The following RUNDC3B variants were observed in gnomAD, a reference collection of about 807,000 sequenced individuals.
RUNDC3B encodes the protein RUN domain-containing protein 3B.
A neutral mutation model predicts 58.4 loss-of-function variants in RUNDC3B; 33 were observed. That is an observed-to-expected ratio of 0.56 (90% confidence interval 0.43 to 0.75). The LOEUF (loss-of-function observed/expected upper bound fraction) is 0.75. Ranked by LOEUF, RUNDC3B falls within the 30% of genes least tolerant of loss-of-function variation. RUNDC3B has a pLI of 0.00. For synonymous variants in RUNDC3B, 193 were observed against 195.2 expected (o/e 0.99, Z 0.10); for missense variants, 501 against 535.7 (o/e 0.94, Z 0.64).
chr7:87,749,343 T>G (rs975192094), intron 6 of RUNDC3B, among the ~76,000 whole-genome samples: 1 of 152,162 alleles, frequency 6.6e-6, no homozygotes, highest in Non-Finnish European at 1.5e-5. Flanking sequence ...GCATAGCCAC[T>G]TTTTGTCTGA....
chr7:87,667,961 C>G (rs1249574867), intron 2 of RUNDC3B, among the ~76,000 whole-genome samples: 22 of 151,866 alleles, frequency 1.4e-4, no homozygotes, highest in Admixed American at 1.4e-3. Context: ...TTTGTTGTGT[C>G]TCTTCCAGGT....
At chr7:87,628,980 C>T (rs754002701) in intron 1 of RUNDC3B, 35 bp downstream of exon 1, 1 of 1,304,492 alleles carries the variant, frequency 7.7e-7, no homozygotes, top group East Asian at 2.8e-5. Context: ...ACCAGCCTCC[C>T]GCCGGGGCTG....
At chr7:87,661,660 T>C (rs1824730424) in intron 2 of RUNDC3B, among the ~76,000 whole-genome samples, 2 of 151,704 alleles carry the variant, frequency 1.3e-5, no homozygotes, top group Admixed American at 6.6e-5. Flanking sequence ...TCTTTATTCA[T>C]TTGTCTGTTT....
intron 6 of RUNDC3B, among the ~76,000 whole-genome samples, chr7:87,751,041 TC>T (rs1429727082): frequency 1.3e-5 from 2 of 152,228 alleles, no homozygotes; most frequent in Non-Finnish European, 2.9e-5. Flanking sequence ...TAATCCCTCT[TC>T]AATTGATTTT....
chr7:87,639,792 G>T (rs1409483321), intron 1 of RUNDC3B, among the ~76,000 whole-genome samples: 3 of 151,972 alleles, frequency 2.0e-5, no homozygotes, highest in Middle Eastern at 7.1e-3. Flanking sequence ...TATATTTAGA[G>T]TGTCCTTGTA....
intron 1 of RUNDC3B, among the ~76,000 whole-genome samples, chr7:87,646,770 C>T (rs1465138215): frequency 6.6e-6 from 1 of 152,130 alleles, no homozygotes; most frequent in Non-Finnish European, 1.5e-5. Context: ...TGTGTATTGT[C>T]ACTGAGATGG....
chr7:87,648,008 C>G (rs1323436048), intron 1 of RUNDC3B, among the ~76,000 whole-genome samples: 1 of 151,716 alleles, frequency 6.6e-6, no homozygotes, highest in Non-Finnish European at 1.5e-5. Context: ...CATGGTGAAA[C>G]CCCGCCTCTA....
intron 1 of RUNDC3B, among the ~76,000 whole-genome samples, chr7:87,645,167 C>T (rs888155337): frequency 6.0e-5 from 9 of 150,958 alleles, no homozygotes; most frequent in Non-Finnish European, 1.0e-4. Context: ...ACTGCAACCT[C>T]GACCTCCTGG....
intron 5 of RUNDC3B, among the ~76,000 whole-genome samples, chr7:87,740,791 A>T (rs1382063321): frequency 6.6e-6 from 1 of 152,222 alleles, no homozygotes; most frequent in East Asian, 1.9e-4. Flanking sequence ...TGAACATGAT[A>T]GATGGAATGT....
chr7:87,768,407 A>G (rs185380342), intron 6 of RUNDC3B, among the ~76,000 whole-genome samples: 1 of 152,268 alleles, frequency 6.6e-6, no homozygotes, highest in African/African-American at 2.4e-5. Context: ...AGACTCTGAG[A>G]AATGTTTGTG....
At chr7:87,697,543 C>G (rs192268078) in intron 2 of RUNDC3B, among the ~76,000 whole-genome samples, 3 of 152,322 alleles carry the variant, frequency 2.0e-5, no homozygotes, top group East Asian at 1.9e-4. Flanking sequence ...GAAGATTTCT[C>G]TAGATTCCAA....
chr7:87,670,504 CTTGT>C, intron 2 of RUNDC3B, among the ~76,000 whole-genome samples: 1 of 152,152 alleles, frequency 6.6e-6, no homozygotes, highest in South Asian at 2.1e-4. Context: ...ATTAAAAACT[CTTGT>C]TGGGGAATGG....
intron 6 of RUNDC3B, among the ~76,000 whole-genome samples, chr7:87,743,289 A>G (rs1015301723): frequency 2.0e-5 from 3 of 152,194 alleles, no homozygotes; most frequent in Non-Finnish European, 4.4e-5. Context: ...GTGTGCAAGT[A>G]TCTTTTTCAA....
At chr7:87,684,702 C>T (rs943691637) in intron 2 of RUNDC3B, among the ~76,000 whole-genome samples, 2 of 128,504 alleles carry the variant, frequency 1.6e-5, no homozygotes, top group Non-Finnish European at 3.1e-5. Flanking sequence ...GAGTCGAGAT[C>T]GTGCCACTGC....
At chr7:87,648,184 CAAA>C (rs138383809) in intron 1 of RUNDC3B, among the ~76,000 whole-genome samples, 7 of 65,462 alleles carry the variant, frequency 1.1e-4, no homozygotes, top group African/African-American at 2.2e-4. Flanking sequence ...GACTCTGTCT[CAAA>C]AAAAAAAAAA....
intron 1 of RUNDC3B, among the ~76,000 whole-genome samples, chr7:87,639,767 C>T (rs1822238404): frequency 6.6e-6 from 1 of 151,834 alleles, no homozygotes; most frequent in Admixed American, 6.6e-5. Context: ...TTTACTTTTG[C>T]TCTTTCTGGG....
At chr7:87,786,907 C>A (rs1339114546) in intron 8 of RUNDC3B, among the ~76,000 whole-genome samples, 1 of 152,056 alleles carries the variant, frequency 6.6e-6, no homozygotes, top group Non-Finnish European at 1.5e-5. Flanking sequence ...TCTTTAATAA[C>A]CTTAATTTAA....
chr7:87,659,289 T>G lies in RUNDC3B; in HGVS notation c.238+8352T>G, dbSNP rs28381751. ...TCTGTTTGTTCCCCCTGTTCTTGGT[T>G]TCTCTGTTTTCTTTTTTCTGTCTTC... On this transcript the variant is annotated intron_variant, in intron 2 of 10. Transcript: ENST00000394654. 831 of 377,496 alleles carry G rather than the reference T, an allele frequency of 2.2e-3. 4 individuals carry two copies. The highest frequency in any genetic ancestry group is 0.017 in the African/African-American group (765 of 46,208). The allele number at this position is 377,496 out of a possible 1,614,324, so 23.4% of individuals were successfully genotyped here.
intron 1 of RUNDC3B, among the ~76,000 whole-genome samples, chr7:87,631,536 G>T (rs1266657965): frequency 6.6e-6 from 1 of 152,024 alleles, no homozygotes; most frequent in African/African-American, 2.4e-5. Context: ...GACTACAGGC[G>T]CCCGCCACCA....
Sources: allele counts gnomAD v4.1 joint callset (sites outside exome capture counted in the v4.1 genomes callset), GRCh38; gene constraint gnomAD v4.1.1; transcripts MANE v1.5; gene names NCBI Gene and HGNC (gene_info 2026-07-23, HGNC 2026-07-21).